TNFRSF14: variants seen among roughly 807,000 people sequenced by gnomAD.
TNFRSF14 encodes tumor necrosis factor receptor superfamily member 14.
A neutral mutation model predicts 34.1 loss-of-function variants in TNFRSF14; 18 were observed. The observed-to-expected ratio is 0.53, with a 90% confidence interval of 0.36 to 0.78. The LOEUF (loss-of-function observed/expected upper bound fraction) is 0.78, where lower values mean the gene tolerates loss of function less well. TNFRSF14 is among the 30% of genes least tolerant of loss of function. TNFRSF14 has a pLI of 0.00. For missense variants in TNFRSF14, 352 were observed against 379.5 expected (o/e 0.93, Z 0.60); for synonymous variants, 157 against 153.2 (o/e 1.02, Z -0.18).
chr1:2,563,038 C>G (rs1157272928), intron 7 of TNFRSF14, 110 bp from the exon 8 acceptor site: 1 of 1,579,050 alleles, frequency 6.3e-7, no homozygotes, highest in African/African-American at 1.4e-5. Flanking sequence ...GCCACGGTAG[C>G]TCAGGAAAGA....
rs775911461 is a variant in TNFRSF14, at chr1:2,557,717, C to T, written c.70-9C>T. The T allele has an allele frequency of 5.0e-6, 8 of 1,593,778 alleles. No individual in the cohort carries two copies. The highest frequency in any genetic ancestry group is 6.0e-6 in the Non-Finnish European group (7 of 1,168,374). On this transcript the variant is annotated splice_polypyrimidine_tract_variant and intron_variant, in intron 1 of 7. Coordinates refer to ENST00000355716, the MANE Select transcript of TNFRSF14 (RefSeq NM_003820.4). Reference sequence around the variant, plus strand: ...GGGCATCTCCCAATGCCTGTCCTGACCCCCTTAGGTGCTGTATCTCACCTT... The same window carrying T: ...GGGCATCTCCCAATGCCTGTCCTGATCCCCTTAGGTGCTGTATCTCACCTT...
upstream of TNFRSF14, chr1:2,556,031 G>C (rs547117575): frequency 5.2e-4 from 120 of 229,494 alleles, 1 homozygote; most frequent in African/African-American, 2.7e-3. Flanking sequence ...CCCAGGGGAC[G>C]GGTAGGGGCA....
At chr1:2,554,272 G>A (rs755430376), upstream of TNFRSF14, 5 of 153,102 alleles carry the variant, frequency 3.3e-5, no homozygotes, top group South Asian at 2.0e-4. This position sits in a 1 kb window ranked among gnomAD's most constrained non-coding sequence, Gnocchi z 4.2. Context: ...AGGGCCTGGC[G>A]GTGCTGGTGC....
chr1:2,561,881 C>T lies in TNFRSF14; in HGVS notation c.694+66C>T. On this transcript the variant is annotated intron_variant, in intron 6 of 7. Coordinates refer to ENST00000355716, the MANE Select transcript of TNFRSF14 (RefSeq NM_003820.4). This position sits in a 1 kb window ranked among gnomAD's most constrained non-coding sequence, Gnocchi z 6.0. ...CGTCACCTCTTGGAGCTCTGTCACC[C>T]CAAGCCTGGGAGGTGGCCCCAGAGC... The T allele has an allele frequency of 6.5e-7, 1 of 1,535,402 alleles. No homozygotes were observed. The highest frequency in any genetic ancestry group is 1.4e-5 in the African/African-American group (1 of 73,048).
chr1:2,559,537 G>A, intron 3 of TNFRSF14: 8 of 1,506,324 alleles, frequency 5.3e-6, no homozygotes, highest in South Asian at 2.4e-5. Context: ...GTGCAAGCTC[G>A]GCGTCCTGCC....
chr1:2,559,236 C>T (rs1261627036), intron 3 of TNFRSF14: 3 of 1,369,998 alleles, frequency 2.2e-6, no homozygotes, highest in South Asian at 1.2e-5. Context: ...GGGGCTCACA[C>T]CTCAACCTGC....
intron 6 of TNFRSF14, 101 bp from the exon 7 acceptor site, chr1:2,562,764 C>G: frequency 6.9e-7 from 1 of 1,455,350 alleles, no homozygotes; most frequent in Non-Finnish European, 9.7e-7. Flanking sequence ...CAGGGAGAAG[C>G]AGGAGTTGTG....
chr1:2,559,714 C>A (rs1264761264), intron 3 of TNFRSF14, 109 bp from the exon 4 acceptor site: 1 of 1,537,090 alleles, frequency 6.5e-7, no homozygotes, highest in Middle Eastern at 1.7e-4. Context: ...AGGGGTTCAG[C>A]CTGGCAGGGC....
intron 6 of TNFRSF14, 178 bp from the exon 7 acceptor site, chr1:2,562,687 C>A: frequency 1.2e-6 from 1 of 819,122 alleles, no homozygotes; most frequent in Non-Finnish European, 2.1e-6. Context: ...ACAGGCTGGG[C>A]TAGCAGTCCC....
Position 2,561,668 on chromosome 1 carries a change from C to T in TNFRSF14, c.552-5C>T, listed in dbSNP as rs200764844. 42 of 1,612,722 alleles carry T rather than the reference C, an allele frequency of 2.6e-5. 1 individual carries two copies. Among genetic ancestry groups the T allele is most frequent in the Admixed American group, 2.5e-4 (15 of 59,966 alleles). ...TCTCCCACGTCCTCGGCCCCACTCC[C>T]GCAGGTGCAGCTGGCTGGTGACGAA... is the stretch of plus-strand genomic sequence containing the variant. On this transcript the variant is annotated splice_region_variant and splice_polypyrimidine_tract_variant and intron_variant, in intron 5 of 7. Coordinates refer to ENST00000355716, the MANE Select transcript of TNFRSF14 (RefSeq NM_003820.4). The surrounding 1 kb of genome is among the most constrained non-coding windows in gnomAD (Gnocchi z 6.0).
At position 2,557,555 on chromosome 1, in the gene TNFRSF14, C is replaced by A. The variant is rs552712624; in HGVS notation, c.70-171C>A. Reference sequence around the variant, plus strand: ...GTCCCCACCCTATCCCGGGCTCCAGCGGTCGGCAAGGTTGTTCCATGAGCC... The same window carrying A: ...GTCCCCACCCTATCCCGGGCTCCAGAGGTCGGCAAGGTTGTTCCATGAGCC... On this transcript the variant is annotated intron_variant, in intron 1 of 7. Transcript: ENST00000355716. Among the ~76,000 whole-genome samples, 136 of 152,290 alleles carry A rather than the reference C, an allele frequency of 8.9e-4. 1 individual carries two copies. Among genetic ancestry groups the A allele is most frequent in the Non-Finnish European group, 1.7e-3 (118 of 67,996 alleles).
At chr1:2,560,434 G>A (rs183457223) in intron 4 of TNFRSF14, 190 bp from the exon 5 acceptor site, 118 of 580,530 alleles carry the variant, frequency 2.0e-4, no homozygotes, top group African/African-American at 1.9e-3. Flanking sequence ...ACTCAAGGCC[G>A]GGACAGCCAG....
chr1:2,560,257 C>T (rs1295908579), intron 4 of TNFRSF14, among the ~76,000 whole-genome samples: 1 of 152,210 alleles, frequency 6.6e-6, no homozygotes, highest in Non-Finnish European at 1.5e-5. Flanking sequence ...CTCTCGGGCC[C>T]CTGGTCTGGA....
Position 2,563,346 on chromosome 1 carries a change from G to A in TNFRSF14, c.*73G>A, listed in dbSNP as rs8725. ...GCTGAAAGAGGCTGTCCACCTGGCG[G>A]AACCACCGGAGCCCGGAGGCTTGGG... On this transcript the variant is annotated 3_prime_UTR_variant, in exon 8 of 8. Coordinates refer to ENST00000355716, the MANE Select transcript of TNFRSF14 (RefSeq NM_003820.4). 827,758 of 1,584,860 alleles carry A rather than the reference G, an allele frequency of 0.52. 219,806 individuals carry two copies. The highest frequency in any genetic ancestry group is 0.73 in the African/African-American group (54,094 of 74,300).
upstream of TNFRSF14, chr1:2,556,319 G>A (rs1426201311): frequency 6.7e-6 from 4 of 595,916 alleles, no homozygotes; most frequent in East Asian, 1.0e-4. Flanking sequence ...ACCCGGAGTG[G>A]ACTGGAATGG....
At chr1:2,562,951 C>G (rs1644332391) in intron 7 of TNFRSF14, 55 bp downstream of exon 7, 8 of 1,516,588 alleles carry the variant, frequency 5.3e-6, no homozygotes, top group Middle Eastern at 1.7e-4. Flanking sequence ...CCTCCCCTCT[C>G]CCCGCTGGGG....
chr1:2,560,062 G>C (rs914935925), intron 4 of TNFRSF14, 84 bp downstream of exon 4: 6 of 1,450,708 alleles, frequency 4.1e-6, no homozygotes, highest in Admixed American at 2.4e-5. Context: ...TTTCCTCGAC[G>C]GCATGGCCTG....
chr1:2,562,946 C>A (rs1195981812), intron 7 of TNFRSF14, 50 bp downstream of exon 7: 19 of 1,565,602 alleles, frequency 1.2e-5, no homozygotes, highest in Non-Finnish European at 1.4e-5. Flanking sequence ...TCCCACCTCC[C>A]CTCTCCCCGC....
chr1:2,557,177 A>G (rs957293559), intron 1 of TNFRSF14: 1 of 202,710 alleles, frequency 4.9e-6, no homozygotes, highest in African/African-American at 2.3e-5. Context: ...GATACTCTCC[A>G]TGCTCATGTG....
Sources: gnomAD v4.1 joint callset for allele counts (sites outside exome capture counted in the v4.1 genomes callset) on GRCh38, gnomAD v4.1.1 for gene constraint, Gnocchi (gnomAD v3.1) non-coding constraint, MANE v1.5 for transcripts, NCBI Gene and HGNC (gene_info 2026-07-23, HGNC 2026-07-21) for gene names.